The following RSF1 variants were observed in gnomAD, a reference collection of about 807,000 sequenced individuals.
RSF1 encodes remodeling and spacing factor 1, also known as HBV pX-associated protein 8.
Under a neutral mutation model 145.2 loss-of-function variants are expected in RSF1, and 13 were observed. The observed-to-expected ratio is 0.09, with a 90% CI of 0.06 to 0.14. RSF1 has a LOEUF of 0.14. Among genes scored for constraint, RSF1 ranks in the 10% least tolerant of loss-of-function variants. RSF1 has a pLI of 1.00. For missense variants in RSF1, 1,517 were observed against 1,718.2 expected, an observed-to-expected ratio of 0.88 and a Z score of 2.07; for synonymous variants, 577 against 592.6, an observed-to-expected ratio of 0.97 and a Z score of 0.38.
chr11:77,782,114 A>C (rs1233303036), intron 1 of RSF1, among the ~76,000 whole-genome samples: 1 of 152,208 alleles, frequency 6.6e-6, no homozygotes, highest in Non-Finnish European at 1.5e-5. Context: ...GAATTTCTAT[A>C]GACAGCATAT....
chr11:77,717,325 A>G (rs1960839866), intron 5 of RSF1, among the ~76,000 whole-genome samples: 1 of 152,206 alleles, frequency 6.6e-6, no homozygotes, highest in African/African-American at 2.4e-5. Context: ...ATTGGCTTCC[A>G]TGGAACATGA....
chr11:77,684,666 T>A (rs914652964), intron 10 of RSF1, among the ~76,000 whole-genome samples: 3 of 152,192 alleles, frequency 2.0e-5, no homozygotes, highest in Non-Finnish European at 2.9e-5. Context: ...GTCTTAAATT[T>A]CCATTTTTAA....
At chr11:77,775,461 C>T (rs1024821460) in intron 1 of RSF1, among the ~76,000 whole-genome samples, 2 of 152,164 alleles carry the variant, frequency 1.3e-5, no homozygotes, top group Non-Finnish European at 2.9e-5. Context: ...CCCCGCTTTT[C>T]TCTCCCTTTT....
Position 77,661,553 on chromosome 11 carries a change from A to G in RSF1, c.*5364T>C, listed in dbSNP as rs1959233820. ...TCCACATAGCAGTTGACATGCACCA[A>G]TTCTGCTAAAGGGCAGGAGAATGAA... On this transcript the variant is annotated 3_prime_UTR_variant, in exon 16 of 16. Transcript: ENST00000308488. 6.6e-6 allele frequency: 1 copy of G among 152,002 alleles called. No individual in the cohort carries two copies. The highest frequency in any genetic ancestry group is 2.1e-4 in the South Asian group (1 of 4,814). The allele number at this position is 152,002 out of a possible 1,614,324, so 9.4% of individuals were successfully genotyped here.
At chr11:77,784,072 T>C (rs188038269) in intron 1 of RSF1, among the ~76,000 whole-genome samples, 10 of 152,320 alleles carry the variant, frequency 6.6e-5, no homozygotes. Context: ...AAATTTGAAA[T>C]TTTGCATTCA....
intron 15 of RSF1, among the ~76,000 whole-genome samples, chr11:77,671,203 A>T (rs1158388331): frequency 8.3e-6 from 1 of 120,236 alleles, no homozygotes; most frequent in African/African-American, 3.4e-5. Context: ...GTGTGTATAT[A>T]TATATACACT....
intron 6 of RSF1, among the ~76,000 whole-genome samples, chr11:77,699,810 T>C (rs1036249264): frequency 4.6e-5 from 7 of 152,200 alleles, no homozygotes; most frequent in Non-Finnish European, 1.0e-4. Context: ...CAATGCAGCA[T>C]TGCCTGTAAT....
the RSF1 span, among the ~76,000 whole-genome samples, chr11:77,838,074 T>C: frequency 6.6e-6 from 1 of 152,126 alleles, no homozygotes; most frequent in African/African-American, 2.4e-5. Context: ...CACTGTCTCT[T>C]TGATATTAAT....
At chr11:77,822,472 A>C (rs914451190), upstream of RSF1, among the ~76,000 whole-genome samples, 32 of 152,088 alleles carry the variant, frequency 2.1e-4, no homozygotes, top group Admixed American at 6.5e-4. Flanking sequence ...CCATGTAAAA[A>C]AGAGAAATCT....
chr11:77,767,723 T>C (rs530574074), intron 1 of RSF1, among the ~76,000 whole-genome samples: 253 of 152,358 alleles, frequency 1.7e-3, no homozygotes, highest in Non-Finnish European at 2.9e-3. Flanking sequence ...GCAACCTTTT[T>C]GTCCCTGGAA....
chr11:77,701,078 A>C lies in RSF1; in HGVS notation c.2151T>G (p.Thr717=), dbSNP rs1470095625. ...KYKLVPEEET[T]ASENTEITSE... ...AGGTTATCTCTGTATTTTCTGAGGC[A>C]GTGGTTTCTTCTTCAGGAACCAACT... The change falls in exon 6 of 16, where the codon ACT becomes ACG. Residue 717 remains threonine, a synonymous_variant. Coordinates refer to ENST00000308488, the MANE Select transcript of RSF1 (RefSeq NM_016578.4). The C allele has an allele frequency of 6.2e-7, 1 of 1,613,704 alleles. No homozygotes were observed. The highest frequency in any genetic ancestry group is 8.5e-7 in the Non-Finnish European group (1 of 1,179,980).
chr11:77,841,033 A>T, the RSF1 span: 1 of 568,148 alleles, frequency 1.8e-6, no homozygotes. Flanking sequence ...GGAGGCTGGG[A>T]AGTCCAAGAC....
chr11:77,870,429 C>T, the RSF1 span, among the ~76,000 whole-genome samples: 13 of 150,020 alleles, frequency 8.7e-5, no homozygotes, highest in Admixed American at 4.0e-4. Flanking sequence ...CTCTGCCTCC[C>T]GGGTTCATGC....
chr11:77,813,299 A>C (rs1278868328), intron 1 of RSF1: 1 of 747,156 alleles, frequency 1.3e-6, no homozygotes, highest in Non-Finnish European at 2.4e-6. Flanking sequence ...ACTGGTAATC[A>C]ATTTATTAAA....
At chr11:77,869,566 G>A in the RSF1 span, 21 of 623,964 alleles carry the variant, frequency 3.4e-5, no homozygotes, top group Non-Finnish European at 5.3e-5. Context: ...ATCCTGCCTC[G>A]TCAGCCTTCC....
At chr11:77,670,226 A>T (rs1431038417) in intron 15 of RSF1, among the ~76,000 whole-genome samples, 1 of 152,078 alleles carries the variant, frequency 6.6e-6, no homozygotes, top group East Asian at 1.9e-4. Flanking sequence ...GTCTGCCTTC[A>T]CTCATTCTGC....
the RSF1 span, among the ~76,000 whole-genome samples, chr11:77,860,789 C>T: frequency 6.6e-6 from 1 of 152,072 alleles, no homozygotes; most frequent in Non-Finnish European, 1.5e-5. Flanking sequence ...TCCTTAAGGT[C>T]CAGGACTGTA....
At chr11:77,669,355 G>C (rs1959459006) in intron 15 of RSF1, among the ~76,000 whole-genome samples, 1 of 152,060 alleles carries the variant, frequency 6.6e-6, no homozygotes, top group African/African-American at 2.4e-5. Context: ...ATCTAAGTCA[G>C]ATCATATCAC....
At chr11:77,847,910 G>A in the RSF1 span, among the ~76,000 whole-genome samples, 1 of 152,094 alleles carries the variant, frequency 6.6e-6, no homozygotes, top group Non-Finnish European at 1.5e-5. Flanking sequence ...CCCAGTCCAA[G>A]AGCAGAAGAA....
Sources: gnomAD v4.1 joint callset for allele counts (sites outside exome capture counted in the v4.1 genomes callset) on GRCh38, gnomAD v4.1.1 for gene constraint, MANE v1.5 for transcripts, NCBI Gene and HGNC (gene_info 2026-07-23, HGNC 2026-07-21) for gene names.